CAST: variants seen among roughly 807,000 people sequenced by gnomAD.
The protein encoded by CAST is calpastatin, also known as MIR583 host.
Under a neutral mutation model 119.6 loss-of-function variants are expected in CAST, and 76 were observed. The ratio of observed to expected loss-of-function variants is 0.64; its 90% CI spans 0.53 to 0.77. CAST has a LOEUF of 0.77. CAST is among the 30% of genes least tolerant of loss of function. CAST has a pLI of 0.00. For synonymous variants in CAST, 319 were observed against 331.6 expected, an observed-to-expected ratio of 0.96 and a Z score of 0.41; for missense variants, 953 against 946.5, an observed-to-expected ratio of 1.01 and a Z score of -0.09.
Position 96,750,945 on chromosome 5 carries a change from A to G in CAST, c.1524+263A>G, listed in dbSNP as rs567279929. Among the ~76,000 whole-genome samples the G allele has an allele frequency of 2.0e-5, 3 of 152,232 alleles. No homozygotes were observed. The East Asian group carries it at 5.8e-4, about 29-fold the overall frequency. The stretch of plus-strand genomic sequence containing the variant: ...TTCTAGTTCCTCAGCTATTGTGGAT[A>G]ATCCTGCCTTTTCACTTCTCTGCAT... On this transcript the variant is annotated intron_variant, in intron 20 of 31. Coordinates refer to ENST00000675179, the MANE Select transcript of CAST (RefSeq NM_001750.7).
rs548697775 is a variant in CAST, at chr5:96,671,147, AT to A, written c.76-4385del. Among the ~76,000 whole-genome samples the A allele has an allele frequency of 5.5e-3, 833 of 151,932 alleles. 1 individual carries two copies. Among genetic ancestry groups the A allele is most frequent in the Non-Finnish European group, 8.7e-3 (593 of 67,954 alleles). ...TTAAGATAGCAAAGCCCTTGATCTG[AT>A]TTTTTTCTCTGGCTCTGAGCTTCTG... On this transcript the variant is annotated intron_variant, in intron 1 of 31. Transcript: ENST00000675179.
chr5:95,979,590 A>G, the CAST span, among the ~76,000 whole-genome samples: 2 of 152,342 alleles, frequency 1.3e-5, no homozygotes, highest in East Asian at 1.9e-4. Context: ...TATTTTTGGA[A>G]AAAGTACAGG....
chr5:96,241,512 C>A, the CAST span, among the ~76,000 whole-genome samples: 1 of 149,410 alleles, frequency 6.7e-6, no homozygotes, highest in Non-Finnish European at 1.5e-5. Context: ...TGAATAATGC[C>A]GCAATAAACA....
chr5:96,113,793 TCTGA>T, the CAST span, among the ~76,000 whole-genome samples: 1 of 152,220 alleles, frequency 6.6e-6, no homozygotes, highest in Non-Finnish European at 1.5e-5. Flanking sequence ...GGAGATTTAT[TCTGA>T]CTAAGACTCC....
chr5:96,727,066 C>T (rs146108972), intron 5 of CAST, among the ~76,000 whole-genome samples: 1 of 152,316 alleles, frequency 6.6e-6, no homozygotes, highest in Non-Finnish European at 1.5e-5. Flanking sequence ...GTCACCATCC[C>T]ATTGTTTTAC....
chr5:96,570,302 T>TC (rs1333342661), intron 1 of CAST, among the ~76,000 whole-genome samples: 1 of 152,040 alleles, frequency 6.6e-6, no homozygotes, highest in Non-Finnish European at 1.5e-5. Context: ...ATTCACAGCT[T>TC]CCCCCAACCA....
the CAST span, among the ~76,000 whole-genome samples, chr5:96,173,891 G>A: frequency 6.6e-6 from 1 of 151,806 alleles, no homozygotes; most frequent in Non-Finnish European, 1.5e-5. Context: ...GGTGGCGCCC[G>A]CCACCACGCC....
the CAST span, among the ~76,000 whole-genome samples, chr5:96,026,881 T>C: frequency 1.3e-5 from 2 of 152,154 alleles, no homozygotes; most frequent in East Asian, 3.8e-4. Flanking sequence ...TGAAGACTAT[T>C]TTGCAATATT....
At chr5:96,146,670 A>G in the CAST span, among the ~76,000 whole-genome samples, 1 of 152,262 alleles carries the variant, frequency 6.6e-6, no homozygotes, top group Non-Finnish European at 1.5e-5. Context: ...CACAGCAAAC[A>G]CATTAACATA....
rs539223552 is a variant in CAST, at chr5:96,559,159, C to G, written c.60+29279C>G. On this transcript the variant is annotated intron_variant, in intron 1 of 11. Transcript: ENST00000505143. ...AACGCCTTTGACAAAATTCAACAAC[C>G]CTTCATGCTAAAATCTCTCAATAAA... 1.6e-3 allele frequency among the ~76,000 whole-genome samples: 239 copies of G among 151,862 alleles called. 2 individuals carry two copies. The highest frequency in any genetic ancestry group is 5.6e-3 in the African/African-American group (231 of 41,518).
the CAST span, among the ~76,000 whole-genome samples, chr5:96,305,028 A>C: frequency 6.6e-6 from 1 of 152,100 alleles, no homozygotes; most frequent in Non-Finnish European, 1.5e-5. Context: ...TGAATCTATA[A>C]ATTACTTTGG....
At chr5:96,433,208 C>T in the CAST span, 1 of 685,016 alleles carries the variant, frequency 1.5e-6, no homozygotes. Flanking sequence ...GGCTGGGCGG[C>T]GGCGAGCGCT....
intron 20 of CAST, among the ~76,000 whole-genome samples, chr5:96,753,205 C>T (rs958028809): frequency 5.3e-5 from 8 of 151,940 alleles, no homozygotes; most frequent in Non-Finnish European, 8.8e-5. Context: ...TGTGTTGCCC[C>T]GGCTGGTCTC....
At chr5:96,449,907 A>G in the CAST span, among the ~76,000 whole-genome samples, 1 of 152,296 alleles carries the variant, frequency 6.6e-6, no homozygotes, top group South Asian at 2.1e-4. Context: ...ATCTCCTGCC[A>G]TCTTGGTATT....
At chr5:96,036,911 ATGTC>A in the CAST span, among the ~76,000 whole-genome samples, 1 of 152,180 alleles carries the variant, frequency 6.6e-6, no homozygotes, top group Non-Finnish European at 1.5e-5. Context: ...TGTAAATAAA[ATGTC>A]TGAGAGCAAA....
chr5:96,213,444 A>G, the CAST span: 3 of 152,150 alleles, frequency 2.0e-5, no homozygotes, highest in African/African-American at 7.2e-5. Flanking sequence ...TAACTAATGC[A>G]TACACAGTGT....
the CAST span, among the ~76,000 whole-genome samples, chr5:95,991,641 G>A: frequency 6.6e-6 from 1 of 151,596 alleles, no homozygotes; most frequent in African/African-American, 2.4e-5. Flanking sequence ...GAGTAGCTGG[G>A]ATTATAGGCA....
At chr5:96,332,638 G>A in the CAST span, among the ~76,000 whole-genome samples, 2 of 152,132 alleles carry the variant, frequency 1.3e-5, no homozygotes. Context: ...CGACATGGAC[G>A]TCTACAAATG....
the CAST span, among the ~76,000 whole-genome samples, chr5:96,079,390 G>A: frequency 1.3e-5 from 2 of 152,080 alleles, no homozygotes; most frequent in Non-Finnish European, 2.9e-5. Flanking sequence ...CTCTCTTATA[G>A]GTAAATACAA....
Sources: gnomAD v4.1 joint callset for allele counts (sites outside exome capture counted in the v4.1 genomes callset) on GRCh38, gnomAD v4.1.1 for gene constraint, MANE v1.5 for transcripts, NCBI Gene and HGNC (gene_info 2026-07-23, HGNC 2026-07-21) for gene names.